Variants in LHFPL6 observed in about 807,000 individuals in gnomAD.
The protein encoded by LHFPL6 is LHFPL tetraspan subfamily member 6 protein.
Under a neutral mutation model 20.6 loss-of-function variants are expected in LHFPL6, and 9 were observed. The ratio of observed to expected loss-of-function variants is 0.44; its 90% CI spans 0.26 to 0.76. The LOEUF (loss-of-function observed/expected upper bound fraction) is 0.76, where lower values mean the gene tolerates loss of function less well. LHFPL6 is among the 30% of genes least tolerant of loss of function. The pLI is 0.20. For missense variants in LHFPL6, 218 were observed against 253.5 expected (o/e 0.86, Z 0.95); for synonymous variants, 105 against 98.7 (o/e 1.06, Z -0.38).
rs17059856 is a variant in LHFPL6, at chr13:39,411,016, G to T, written c.386-32490C>A. Among the ~76,000 whole-genome samples, 1,509 of 152,286 alleles carry T rather than the reference G, an allele frequency of 9.9e-3. 28 individuals carry two copies. The highest frequency in any genetic ancestry group is 0.033 in the African/African-American group (1,391 of 41,546). On this transcript the variant is annotated intron_variant, in intron 2 of 3. Coordinates refer to ENST00000379589, the MANE Select transcript of LHFPL6 (RefSeq NM_005780.3). The stretch of plus-strand genomic sequence containing the variant: ...GGAGCCTTCCTTAGTGACAATCTCT[G>T]TCAGAGGGATATTTAAATAAAAGGC...
intron 2 of LHFPL6, among the ~76,000 whole-genome samples, chr13:39,510,908 T>C (rs1477380157): frequency 1.3e-5 from 2 of 152,014 alleles, no homozygotes. Context: ...GTTTCGCTCT[T>C]ATTGCCCAGG....
intron 2 of LHFPL6, among the ~76,000 whole-genome samples, chr13:39,495,336 G>A (rs534862061): frequency 3.9e-5 from 6 of 152,152 alleles, no homozygotes; most frequent in South Asian, 2.1e-4. Context: ...CACGCTGACC[G>A]GTTGATTTCA....
chr13:39,585,727 G>C (rs1177927754), intron 2 of LHFPL6, among the ~76,000 whole-genome samples: 2 of 152,168 alleles, frequency 1.3e-5, no homozygotes, highest in South Asian at 2.1e-4. Context: ...CTGCCCACCT[G>C]TTTGCCCAAT....
intron 2 of LHFPL6, among the ~76,000 whole-genome samples, chr13:39,448,678 A>G (rs1872358385): frequency 6.6e-6 from 1 of 152,242 alleles, no homozygotes. Context: ...TTGGTTGTCC[A>G]AACCATCATT....
In LHFPL6 at chr13:39,600,984, G is replaced by C; in HGVS notation, c.233C>G (p.Pro78Arg). The stretch of plus-strand genomic sequence containing the variant: ...GGTGCAGATCCTCCATTCTGCGCTG[G>C]GGATGCCCTGGAAGGAGGCATAGCG... ...CGRYASFQGI[P>R]SAEWRICTIV... is the part of the protein sequence containing the mutation. The change falls in exon 2 of 4, where the codon CCC (proline) becomes CGC (arginine). Residue 78 changes from proline (P) to arginine (R), a missense_variant. Transcript: ENST00000379589. 6.2e-7 allele frequency: 1 copy of C among 1,613,762 alleles called. No individual in the cohort carries two copies. Among genetic ancestry groups the C allele is most frequent in the Non-Finnish European group, 8.5e-7 (1 of 1,179,780 alleles).
At chr13:39,501,083 G>T (rs928257903) in intron 2 of LHFPL6, among the ~76,000 whole-genome samples, 10 of 152,160 alleles carry the variant, frequency 6.6e-5, no homozygotes, top group African/African-American at 2.4e-4. Context: ...TATCTTAGTT[G>T]TTGAGAAAAG....
At chr13:39,461,077 A>G (rs995619603) in intron 2 of LHFPL6, among the ~76,000 whole-genome samples, 1 of 152,150 alleles carries the variant, frequency 6.6e-6, no homozygotes, top group African/African-American at 2.4e-5. Context: ...TAGAGGGGAG[A>G]ACATGCAGTA....
chr13:39,402,945 C>T (rs984407596), intron 2 of LHFPL6, among the ~76,000 whole-genome samples: 1 of 152,214 alleles, frequency 6.6e-6, no homozygotes, highest in Non-Finnish European at 1.5e-5. Context: ...CTGTGACTCC[C>T]ACAGTACTCA....
At chr13:39,481,892 G>T (rs1413874006) in intron 2 of LHFPL6, among the ~76,000 whole-genome samples, 1 of 152,164 alleles carries the variant, frequency 6.6e-6, no homozygotes, top group South Asian at 2.1e-4. Flanking sequence ...TGGATTGAAA[G>T]TTGAGAGCTG....
At chr13:39,413,424 AC>A (rs1259781302) in intron 2 of LHFPL6, among the ~76,000 whole-genome samples, 1 of 142,804 alleles carries the variant, frequency 7.0e-6, no homozygotes, top group East Asian at 2.1e-4. Flanking sequence ...CAAACCCGAA[AC>A]TACTCAGGAT....
rs1869302249 is a variant in LHFPL6, at chr13:39,343,484, C to T, written c.*452G>A. 7 of 232,696 alleles carry T rather than the reference C, an allele frequency of 3.0e-5. No homozygotes were observed. In the East Asian group the frequency reaches 4.3e-4, roughly 14 times the overall value. 14.4% of individuals were successfully genotyped at this position (232,696 alleles called of 1,614,324 possible). A position where few individuals can be genotyped will look rare whatever the true frequency, so the allele number is the denominator to read the frequency against. ...GAGTGCCGTGACCTACAGGGAACAT[C>T]TTTGGGGGTACCCTGCTTCCCAACA... On this transcript the variant is annotated 3_prime_UTR_variant, in exon 4 of 4. Transcript: ENST00000379589.
intron 2 of LHFPL6, among the ~76,000 whole-genome samples, chr13:39,496,044 A>G (rs1428876591): frequency 1.3e-5 from 2 of 152,182 alleles, no homozygotes; most frequent in Non-Finnish European, 2.9e-5. Context: ...TATTCTGTCA[A>G]TGGTAACTCT....
At chr13:39,369,414 C>A (rs1187966524) in intron 3 of LHFPL6, among the ~76,000 whole-genome samples, 1 of 151,918 alleles carries the variant, frequency 6.6e-6, no homozygotes. Flanking sequence ...AAATGATTAC[C>A]CTGACTTGGT....
chr13:39,413,095 TAGAC>T, intron 2 of LHFPL6, among the ~76,000 whole-genome samples: 1 of 152,202 alleles, frequency 6.6e-6, no homozygotes, highest in Admixed American at 6.5e-5. Flanking sequence ...TTTATAAAAT[TAGAC>T]ATAATACAAA....
chr13:39,344,605 T>C lies in LHFPL6; in HGVS notation c.485-551A>G, dbSNP rs193181586. ...GATTCTTCTGGGATCAACACTCACC[T>C]TGAAGATAAAGTGTCATTTAAATGA... On this transcript the variant is annotated intron_variant, in intron 3 of 3. Transcript: ENST00000379589. Among the ~76,000 whole-genome samples the C allele has an allele frequency of 3.2e-3, 482 of 152,306 alleles. 2 individuals are homozygous for C. The highest frequency in any genetic ancestry group is 0.014 in the Middle Eastern group (4 of 294).
chr13:39,575,088 G>A (rs1191997891), intron 2 of LHFPL6, among the ~76,000 whole-genome samples: 1 of 151,916 alleles, frequency 6.6e-6, no homozygotes, highest in Non-Finnish European at 1.5e-5. Context: ...AAAAATACAG[G>A]TGGGTCTAAG....
chr13:39,419,332 A>G (rs144444943), intron 2 of LHFPL6, among the ~76,000 whole-genome samples: 148 of 152,348 alleles, frequency 9.7e-4, no homozygotes, highest in African/African-American at 3.3e-3. Flanking sequence ...GATGTCACTA[A>G]TGTGATCACA....
At chr13:39,503,935 T>A (rs760363896) in intron 2 of LHFPL6, among the ~76,000 whole-genome samples, 1 of 152,194 alleles carries the variant, frequency 6.6e-6, no homozygotes, top group South Asian at 2.1e-4. Context: ...CAATTAAACA[T>A]GCTGGCAGAC....
intron 2 of LHFPL6, among the ~76,000 whole-genome samples, chr13:39,501,658 T>C (rs1008110923): frequency 6.6e-6 from 1 of 151,954 alleles, no homozygotes; most frequent in Non-Finnish European, 1.5e-5. Flanking sequence ...TGGGGGTGGG[T>C]GAGGTATGGA....
Sources: allele counts gnomAD v4.1 joint callset (sites outside exome capture counted in the v4.1 genomes callset), GRCh38; gene constraint gnomAD v4.1.1; transcripts MANE v1.5; gene names NCBI Gene and HGNC (gene_info 2026-07-23, HGNC 2026-07-21).